AGMO: variants seen among roughly 807,000 people sequenced by gnomAD.
AGMO encodes alkylglycerol monooxygenase, also known as glyceryl-ether monooxygenase.
AGMO carries 75 observed loss-of-function variants against 60.2 expected under a neutral mutation model. The observed-to-expected ratio is 1.25, with a 90% confidence interval of 1.03 to 1.51. The LOEUF is 1.51. Ranked by LOEUF, AGMO falls within the 40% of genes most tolerant of loss-of-function variation. The probability of loss-of-function intolerance (pLI) is 0.00; values close to 1 mark genes in which losing one functional copy is unlikely to be tolerated. For synonymous variants in AGMO, 261 were observed against 177.1 expected, an observed-to-expected ratio of 1.47 and a Z score of -3.76; for missense variants, 763 against 525.5, an observed-to-expected ratio of 1.45 and a Z score of -4.42.
intron 12 of AGMO, 127 bp from the exon 13 acceptor site, chr7:15,201,486 T>C: frequency 1.6e-6 from 1 of 633,096 alleles, no homozygotes; most frequent in Admixed American, 3.0e-5. Flanking sequence ...GTTATTAAAT[T>C]AAATCTAGCA....
intron 3 of AGMO, among the ~76,000 whole-genome samples, chr7:15,495,929 A>C (rs186013291): frequency 1.3e-5 from 2 of 151,564 alleles, no homozygotes; most frequent in East Asian, 3.9e-4. Context: ...AAGGGCACAA[A>C]ATTCATTGTG....
At chr7:15,495,333 C>T (rs1424114806) in intron 3 of AGMO, among the ~76,000 whole-genome samples, 1 of 152,090 alleles carries the variant, frequency 6.6e-6, no homozygotes, top group East Asian at 1.9e-4. Flanking sequence ...CAATAACTAC[C>T]CTTTCCTTTT....
chr7:15,317,496 C>T lies in AGMO; in HGVS notation c.1263+48018G>A, dbSNP rs77533147. ...GGCAAAGGGGATCAAATTACACTCACGTTGTTGGGTATAATATCACCTCGT... is the reference window on the plus strand; with the variant it reads ...GGCAAAGGGGATCAAATTACACTCATGTTGTTGGGTATAATATCACCTCGT... On this transcript the variant is annotated intron_variant, in intron 12 of 12. Transcript: ENST00000342526. Among the ~76,000 whole-genome samples the T allele has an allele frequency of 5.8e-3, 879 of 152,134 alleles. 5 individuals are homozygous for T. Among genetic ancestry groups the T allele is most frequent in the Non-Finnish European group, 0.01 (695 of 68,002 alleles).
chr7:15,303,828 C>T (rs1219618575), intron 12 of AGMO, among the ~76,000 whole-genome samples: 4 of 152,046 alleles, frequency 2.6e-5, no homozygotes, highest in Admixed American at 2.0e-4. Context: ...ATGTTTACCC[C>T]CACACACAGC....
chr7:15,168,960 G>C, the AGMO span, among the ~76,000 whole-genome samples: 4 of 152,214 alleles, frequency 2.6e-5, no homozygotes, highest in Non-Finnish European at 5.9e-5. Flanking sequence ...CTTCAGCCTT[G>C]AAGTTGGATT....
rs570991129 is a variant in AGMO at position 15,346,344 on chromosome 7, G to A, written c.1263+19170C>T. On this transcript the variant is annotated intron_variant, in intron 12 of 12. Coordinates refer to ENST00000342526, the MANE Select transcript of AGMO (RefSeq NM_001004320.2). ...TAACAGCATTATTTGGTCTAGTCCC[G>A]AGTACTTTATTTAGTAAATAACTTG... is the stretch of plus-strand genomic sequence containing the variant. Among the ~76,000 whole-genome samples the A allele has an allele frequency of 7.8e-4, 119 of 152,130 alleles. 5 individuals are homozygous for A. The highest frequency in any genetic ancestry group is 5.4e-3 in the South Asian group (26 of 4,826).
intron 12 of AGMO, among the ~76,000 whole-genome samples, chr7:15,277,119 C>A (rs1168407630): frequency 6.6e-6 from 1 of 151,810 alleles, no homozygotes; most frequent in Non-Finnish European, 1.5e-5. Flanking sequence ...ACCAGCATGG[C>A]CAACATGGCA....
intron 10 of AGMO, among the ~76,000 whole-genome samples, chr7:15,382,642 A>C (rs564934609): frequency 6.6e-6 from 1 of 152,186 alleles, no homozygotes; most frequent in Non-Finnish European, 1.5e-5. Context: ...TTATTTTATG[A>C]TAACAAAATC....
At chr7:15,294,031 G>A (rs1480520360) in intron 12 of AGMO, among the ~76,000 whole-genome samples, 3 of 152,078 alleles carry the variant, frequency 2.0e-5, no homozygotes, top group Non-Finnish European at 4.4e-5. Flanking sequence ...ATAAGTAGAT[G>A]TTTTAGCTCA....
chr7:15,501,945 A>G (rs1461084281), intron 3 of AGMO, among the ~76,000 whole-genome samples: 1 of 152,036 alleles, frequency 6.6e-6, no homozygotes, highest in Non-Finnish European at 1.5e-5. Context: ...TTTTTCCTTT[A>G]AAAATAAATG....
intron 12 of AGMO, among the ~76,000 whole-genome samples, chr7:15,346,216 T>C (rs1226929699): frequency 1.3e-5 from 2 of 152,252 alleles, no homozygotes; most frequent in Non-Finnish European, 2.9e-5. Flanking sequence ...CAATCAGCAA[T>C]GTAAACAATG....
At position 15,560,396 on chromosome 7, in the gene AGMO, A is replaced by C. The variant is rs571475641; in HGVS notation, c.127-125T>G. On this transcript the variant is annotated intron_variant, in intron 1 of 12. Coordinates refer to ENST00000342526, the MANE Select transcript of AGMO (RefSeq NM_001004320.2). ...GGAAGCCCTGCAGGAGATGGTAGAC[A>C]CTCATTTTAGAGGATTACTTCCTAC... 6.7e-5 allele frequency: 65 copies of C among 966,236 alleles called. 1 individual carries two copies. The African/African-American group carries it at 9.1e-4, about 14-fold the overall frequency. The allele number at this position is 966,236 out of a possible 1,614,324, so 59.9% of individuals were successfully genotyped here.
chr7:15,292,413 G>T (rs879533693), intron 12 of AGMO, among the ~76,000 whole-genome samples: 2 of 152,144 alleles, frequency 1.3e-5, no homozygotes, highest in Non-Finnish European at 2.9e-5. Flanking sequence ...GCGTTTGGGT[G>T]ATAAGAGCAA....
At chr7:15,339,065 C>A (rs146137902) in intron 12 of AGMO, among the ~76,000 whole-genome samples, 2 of 152,208 alleles carry the variant, frequency 1.3e-5, no homozygotes, top group African/African-American at 2.4e-5. Flanking sequence ...ACTGTAGTAG[C>A]GGAACTGCAA....
chr7:15,454,550 G>C (rs186506344), intron 3 of AGMO, among the ~76,000 whole-genome samples: 2 of 152,018 alleles, frequency 1.3e-5, no homozygotes, highest in African/African-American at 2.4e-5. Flanking sequence ...ATATAAGATC[G>C]TCATTGTTAA....
At chr7:15,341,008 G>C (rs1027049210) in intron 12 of AGMO, among the ~76,000 whole-genome samples, 1 of 152,136 alleles carries the variant, frequency 6.6e-6, no homozygotes, top group Non-Finnish European at 1.5e-5. Flanking sequence ...CAAAGGGGTG[G>C]AGCTGCCCAA....
intron 12 of AGMO, among the ~76,000 whole-genome samples, chr7:15,343,288 C>T (rs1480784056): frequency 2.6e-5 from 4 of 152,084 alleles, no homozygotes; most frequent in African/African-American, 9.7e-5. Context: ...GAGTTTACCT[C>T]TCTATTCACC....
chr7:15,288,707 C>T (rs528927880), intron 12 of AGMO, among the ~76,000 whole-genome samples: 55 of 150,402 alleles, frequency 3.7e-4, no homozygotes, highest in African/African-American at 1.3e-3. Context: ...TTGTACATGC[C>T]TTCAAATTAA....
At chr7:15,455,564 CCTT>C (rs1256996741) in intron 3 of AGMO, among the ~76,000 whole-genome samples, 1 of 152,084 alleles carries the variant, frequency 6.6e-6, no homozygotes, top group Non-Finnish European at 1.5e-5. Context: ...ATTTATTCCT[CCTT>C]GTCTTGCTAA....
Sources: allele counts gnomAD v4.1 joint callset (sites outside exome capture counted in the v4.1 genomes callset), GRCh38; gene constraint gnomAD v4.1.1; transcripts MANE v1.5; gene names NCBI Gene and HGNC (gene_info 2026-07-23, HGNC 2026-07-21).